The following CLSTN2 variants were observed in gnomAD, a reference collection of about 807,000 sequenced individuals.
The protein encoded by CLSTN2 is calsyntenin-2.
Under a neutral mutation model 101.2 loss-of-function variants are expected in CLSTN2, and 48 were observed. The observed-to-expected ratio is 0.47, with a 90% CI of 0.38 to 0.60. CLSTN2 has a LOEUF of 0.60. Ranked by LOEUF, CLSTN2 falls within the 20% of genes least tolerant of loss-of-function variation. CLSTN2 has a pLI of 0.00. For synonymous variants in CLSTN2, 481 were observed against 463.6 expected, an observed-to-expected ratio of 1.04 and a Z score of -0.48; for missense variants, 1,160 against 1,238.2, an observed-to-expected ratio of 0.94 and a Z score of 0.95.
chr3:140,471,411 C>G (rs1189164305), intron 8 of CLSTN2, among the ~76,000 whole-genome samples: 1 of 152,182 alleles, frequency 6.6e-6, no homozygotes, highest in Non-Finnish European at 1.5e-5. Flanking sequence ...AATTGACCAG[C>G]AAGCGCACAG....
chr3:140,018,228 G>A (rs573151685), intron 1 of CLSTN2, among the ~76,000 whole-genome samples: 2 of 152,172 alleles, frequency 1.3e-5, no homozygotes, highest in South Asian at 4.1e-4. Context: ...GTGACATTAC[G>A]CTTCTATTCA....
chr3:140,306,545 G>T (rs1006481554), intron 2 of CLSTN2, among the ~76,000 whole-genome samples: 3 of 152,152 alleles, frequency 2.0e-5, no homozygotes, highest in African/African-American at 7.2e-5. Context: ...TGATCTGCAG[G>T]ACTTGAGAAT....
chr3:140,448,773 C>G, intron 6 of CLSTN2, 69 bp downstream of exon 6: 1 of 1,337,072 alleles, frequency 7.5e-7, no homozygotes, highest in South Asian at 1.3e-5. Context: ...AAAAGCATAT[C>G]TTATTGTCTT....
At chr3:140,447,070 T>C (rs1219501622) in intron 5 of CLSTN2, among the ~76,000 whole-genome samples, 1 of 152,220 alleles carries the variant, frequency 6.6e-6, no homozygotes, top group Non-Finnish European at 1.5e-5. Context: ...GTGGCTCCAG[T>C]GGCCCATTGG....
intron 1 of CLSTN2, among the ~76,000 whole-genome samples, chr3:140,135,225 C>T (rs1231907296): frequency 6.8e-6 from 1 of 146,660 alleles, no homozygotes; most frequent in Non-Finnish European, 1.5e-5. Context: ...ATATCAAAGA[C>T]TTTCATATCT....
At chr3:140,131,485 A>G (rs1314731186) in intron 1 of CLSTN2, among the ~76,000 whole-genome samples, 2 of 152,166 alleles carry the variant, frequency 1.3e-5, no homozygotes, top group African/African-American at 2.4e-5. Flanking sequence ...TGACTTTTAT[A>G]TTTATGTCCC....
chr3:140,254,874 C>T (rs2086592490), intron 2 of CLSTN2, among the ~76,000 whole-genome samples: 1 of 152,022 alleles, frequency 6.6e-6, no homozygotes, highest in Non-Finnish European at 1.5e-5. Context: ...AACAGACAAC[C>T]TACAAAATGG....
At chr3:139,976,239 C>T (rs1358350524) in intron 1 of CLSTN2, among the ~76,000 whole-genome samples, 1 of 152,172 alleles carries the variant, frequency 6.6e-6, no homozygotes, top group African/African-American at 2.4e-5. Context: ...GCCCTTATCT[C>T]CTTTGCTGAT....
intron 5 of CLSTN2, among the ~76,000 whole-genome samples, chr3:140,447,542 G>T (rs762617574): frequency 8.5e-5 from 13 of 152,204 alleles, no homozygotes; most frequent in Non-Finnish European, 1.8e-4. Context: ...TCGTGATTTT[G>T]TTCCTCTCTA....
chr3:140,179,981 C>T (rs1443877884), intron 2 of CLSTN2, among the ~76,000 whole-genome samples: 2 of 152,154 alleles, frequency 1.3e-5, no homozygotes, highest in South Asian at 2.1e-4. Context: ...CCACCCAAGT[C>T]GCTCAGTCCC....
chr3:140,252,423 A>G (rs892969729), intron 2 of CLSTN2, among the ~76,000 whole-genome samples: 3 of 152,156 alleles, frequency 2.0e-5, no homozygotes, highest in Non-Finnish European at 4.4e-5. Context: ...GCTTGCTGGA[A>G]ATGCAGAATC....
intron 8 of CLSTN2, among the ~76,000 whole-genome samples, chr3:140,515,954 A>G (rs1934909079): frequency 6.6e-6 from 1 of 151,586 alleles, no homozygotes; most frequent in African/African-American, 2.4e-5. Context: ...CCCCACTATT[A>G]TTGTATTGCT....
intron 11 of CLSTN2, chr3:140,556,924 A>G (rs992564507): frequency 2.5e-6 from 1 of 403,606 alleles, no homozygotes; most frequent in Non-Finnish European, 4.5e-6. Context: ...TACTTTCTAT[A>G]AATTCTCAGA....
intron 5 of CLSTN2, among the ~76,000 whole-genome samples, chr3:140,440,115 G>A (rs888837507): frequency 1.3e-5 from 2 of 152,114 alleles, no homozygotes; most frequent in Non-Finnish European, 2.9e-5. Context: ...TCAAGGTGAG[G>A]CCAATACCAA....
In CLSTN2 at chr3:139,989,524, G is replaced by A. The variant is rs568451620; in HGVS notation, c.109+54041G>A. ...CTCTCCATCCTTCTGGGTGTTGCAG[G>A]GCCCTTTGCTCTGTCTGCCCTCACT... On this transcript the variant is annotated intron_variant, in intron 1 of 16. Coordinates refer to ENST00000458420, the MANE Select transcript of CLSTN2 (RefSeq NM_022131.3). Among the ~76,000 whole-genome samples the A allele has an allele frequency of 2.2e-3, 342 of 152,178 alleles. 1 individual carries two copies. The highest frequency in any genetic ancestry group is 3.8e-3 in the Non-Finnish European group (261 of 68,002).
chr3:140,140,211 G>A (rs952713872), intron 1 of CLSTN2, among the ~76,000 whole-genome samples: 1 of 152,114 alleles, frequency 6.6e-6, no homozygotes, highest in Non-Finnish European at 1.5e-5. Context: ...TTTTATTGTT[G>A]TGTTAGCTTA....
chr3:140,485,227 A>T (rs918953150), intron 8 of CLSTN2, among the ~76,000 whole-genome samples: 1 of 151,944 alleles, frequency 6.6e-6, no homozygotes, highest in Non-Finnish European at 1.5e-5. Context: ...TCCACTCCAG[A>T]CCCTGTTTTC....
intron 1 of CLSTN2, among the ~76,000 whole-genome samples, chr3:139,991,140 T>C (rs1478853402): frequency 1.3e-5 from 2 of 152,160 alleles, no homozygotes; most frequent in Non-Finnish European, 2.9e-5. Context: ...ACAGGTGCTG[T>C]GTTGATGGAA....
intron 5 of CLSTN2, among the ~76,000 whole-genome samples, chr3:140,446,606 T>C (rs1933084976): frequency 6.6e-6 from 1 of 152,192 alleles, no homozygotes; most frequent in Non-Finnish European, 1.5e-5. Flanking sequence ...CTTACCTCAA[T>C]ACTATTAGGT....
Sources: gnomAD v4.1 joint callset for allele counts (sites outside exome capture counted in the v4.1 genomes callset) on GRCh38, gnomAD v4.1.1 for gene constraint, MANE v1.5 for transcripts, NCBI Gene and HGNC (gene_info 2026-07-23, HGNC 2026-07-21) for gene names.